The following ACYP2 variants were observed in gnomAD, a reference collection of about 807,000 sequenced individuals.
The protein encoded by ACYP2 is acylphosphatase 2, also known as acylphosphatase-2.
In ACYP2, 12 loss-of-function variants were observed where a neutral mutation model predicts 11.2. The observed-to-expected ratio is 1.08, with a 90% CI of 0.69 to 1.74. ACYP2 has a LOEUF of 1.74. Ranked by LOEUF, ACYP2 falls within the 40% of genes most tolerant of loss-of-function variation. ACYP2 has a pLI of 0.00. For missense variants in ACYP2, 134 were observed against 101.9 expected, an observed-to-expected ratio of 1.31 and a Z score of -1.35; for synonymous variants, 43 against 32.2, an observed-to-expected ratio of 1.33 and a Z score of -1.13.
chr2:54,245,731 C>T (rs79142673), intron 6 of ACYP2, among the ~76,000 whole-genome samples: 1,830 of 146,788 alleles, frequency 0.012, 32 homozygotes, highest in African/African-American at 0.044. Context: ...TTTGCTGTTG[C>T]GATGTTTGAT....
chr2:54,262,625 TCTACA>T (rs1296451908), intron 6 of ACYP2, among the ~76,000 whole-genome samples: 1 of 152,200 alleles, frequency 6.6e-6, no homozygotes, highest in African/African-American at 2.4e-5. Flanking sequence ...GCTTCCAGTT[TCTACA>T]CTGGTGGCAG....
At chr2:53,979,491 G>C (rs1046744710) in intron 2 of ACYP2, among the ~76,000 whole-genome samples, 1 of 151,596 alleles carries the variant, frequency 6.6e-6, no homozygotes, top group Non-Finnish European at 1.5e-5. Flanking sequence ...GCCAGGCATG[G>C]GGGTATGCAC....
At chr2:54,055,068 G>A (rs1017806429) in intron 3 of ACYP2, among the ~76,000 whole-genome samples, 3 of 151,824 alleles carry the variant, frequency 2.0e-5, no homozygotes, top group Admixed American at 6.6e-5. Flanking sequence ...ACAGAGTCTC[G>A]CTCTGTCAAC....
intron 6 of ACYP2, among the ~76,000 whole-genome samples, chr2:54,156,429 A>G (rs1475474039): frequency 1.3e-5 from 2 of 152,000 alleles, no homozygotes; most frequent in Non-Finnish European, 2.9e-5. Flanking sequence ...CTGCTCCCCA[A>G]CAAGCCCCAG....
chr2:54,294,089 T>C (rs1407293150), intron 6 of ACYP2, among the ~76,000 whole-genome samples: 1 of 152,244 alleles, frequency 6.6e-6, no homozygotes, highest in Non-Finnish European at 1.5e-5. Flanking sequence ...GTCTTCATTT[T>C]ATACTGGCGC....
chr2:53,989,084 C>G (rs900263397), intron 2 of ACYP2, among the ~76,000 whole-genome samples: 4 of 151,746 alleles, frequency 2.6e-5, no homozygotes, highest in Non-Finnish European at 4.4e-5. Flanking sequence ...CTGAAGGCCA[C>G]CAAGAGTCCA....
At chr2:54,092,314 CAGG>C (rs1182663185) in intron 4 of ACYP2, among the ~76,000 whole-genome samples, 2 of 152,150 alleles carry the variant, frequency 1.3e-5, no homozygotes, top group African/African-American at 4.8e-5. Flanking sequence ...TCCTGATAAT[CAGG>C]AGAAGTTGGG....
At chr2:54,272,982 C>G (rs1207939244) in intron 6 of ACYP2, among the ~76,000 whole-genome samples, 4 of 152,220 alleles carry the variant, frequency 2.6e-5, no homozygotes, top group Admixed American at 2.6e-4. Flanking sequence ...ACCAGGTCAG[C>G]TTGTTTTCAT....
At chr2:54,113,198 G>GATGACA (rs1304440748) in intron 4 of ACYP2, among the ~76,000 whole-genome samples, 2 of 151,404 alleles carry the variant, frequency 1.3e-5, no homozygotes, top group Admixed American at 6.6e-5. Context: ...TTCAGGGAAT[G>GATGACA]ATGACAAGAA....
intron 4 of ACYP2, among the ~76,000 whole-genome samples, chr2:54,113,278 C>T (rs899045023): frequency 2.7e-5 from 4 of 148,412 alleles, no homozygotes; most frequent in African/African-American, 1.0e-4. Flanking sequence ...CTCGCTCTGT[C>T]ACCCAGGCTG....
At chr2:54,154,526 G>C (rs1325891777) in intron 6 of ACYP2, among the ~76,000 whole-genome samples, 1 of 152,112 alleles carries the variant, frequency 6.6e-6, no homozygotes, top group African/African-American at 2.4e-5. Flanking sequence ...ATCTAATGTG[G>C]TGATCATATA....
intron 3 of ACYP2, among the ~76,000 whole-genome samples, chr2:54,055,260 C>T (rs1454319756): frequency 6.6e-6 from 1 of 152,154 alleles, no homozygotes; most frequent in Non-Finnish European, 1.5e-5. Flanking sequence ...TGGTCTAGAA[C>T]TCCTGACCTC....
At chr2:54,050,143 CT>C in intron 2 of ACYP2, among the ~76,000 whole-genome samples, 1 of 151,970 alleles carries the variant, frequency 6.6e-6, no homozygotes, top group East Asian at 1.9e-4. Context: ...CTTTTTTTTC[CT>C]TAGGACCTCA....
intron 6 of ACYP2, among the ~76,000 whole-genome samples, chr2:54,174,165 C>T (rs1683338339): frequency 2.6e-5 from 4 of 152,166 alleles, no homozygotes; most frequent in Admixed American, 2.6e-4. Flanking sequence ...TATCCATGAG[C>T]ATGGAATGTT....
intron 2 of ACYP2, among the ~76,000 whole-genome samples, chr2:54,018,385 G>C (rs942859364): frequency 6.6e-6 from 1 of 152,200 alleles, no homozygotes; most frequent in African/African-American, 2.4e-5. Flanking sequence ...GGGAAAAAAA[G>C]AACCCAATGA....
chr2:54,278,408 G>C, intron 6 of ACYP2, among the ~76,000 whole-genome samples: 1 of 152,218 alleles, frequency 6.6e-6, no homozygotes, highest in East Asian at 1.9e-4. Flanking sequence ...CTTTTAGCAA[G>C]AATAAATTGG....
At chr2:54,227,798 G>C (rs1686070886) in intron 6 of ACYP2, among the ~76,000 whole-genome samples, 1 of 152,174 alleles carries the variant, frequency 6.6e-6, no homozygotes, top group African/African-American at 2.4e-5. Context: ...TATTGTTACA[G>C]ATATGAATAG....
In ACYP2 at chr2:54,094,770, T is replaced by C. The variant is rs142305143; in HGVS notation, c.277+37410T>C. Among the ~76,000 whole-genome samples the C allele has an allele frequency of 2.5e-3, 387 of 152,024 alleles. 4 individuals are homozygous for C. Among genetic ancestry groups the C allele is most frequent in the African/African-American group, 9.0e-3 (374 of 41,432 alleles). ...CCTGACTGGTCTCAAACTTCTGGCC[T>C]CAAGTGATCCGCCCACCTCAGTCTC... On this transcript the variant is annotated intron_variant, in intron 4 of 6. Transcript: ENST00000607452.
At chr2:54,079,686 T>G (rs1202038583) in intron 4 of ACYP2, among the ~76,000 whole-genome samples, 1 of 152,206 alleles carries the variant, frequency 6.6e-6, no homozygotes, top group Non-Finnish European at 1.5e-5. Context: ...CGTTGAAACC[T>G]GACCAGGGAC....
Sources: allele counts gnomAD v4.1 joint callset (sites outside exome capture counted in the v4.1 genomes callset), GRCh38; gene constraint gnomAD v4.1.1; transcripts MANE v1.5; gene names NCBI Gene and HGNC (gene_info 2026-07-23, HGNC 2026-07-21).